RBM39: variants seen among roughly 807,000 people sequenced by gnomAD.
RBM39 encodes the protein RNA-binding protein 39.
In RBM39, 12 loss-of-function variants were observed where a neutral mutation model predicts 79.6. The ratio of observed to expected loss-of-function variants is 0.15; its 90% CI spans 0.10 to 0.24. The LOEUF (loss-of-function observed/expected upper bound fraction) is 0.24, where lower values mean the gene tolerates loss of function less well. Among genes scored for constraint, RBM39 ranks in the 10% least tolerant of loss-of-function variants. The pLI is 1.00. For synonymous variants in RBM39, 185 were observed against 208.4 expected (o/e 0.89, Z 0.97); for missense variants, 243 against 653.4 (o/e 0.37, Z 6.85).
At chr20:35,728,456 T>C (rs2039003894) in intron 6 of RBM39, among the ~76,000 whole-genome samples, 1 of 152,222 alleles carries the variant, frequency 6.6e-6, no homozygotes, top group Non-Finnish European at 1.5e-5. Flanking sequence ...AAGTTTATTT[T>C]AATTAAAATA....
Position 35,742,185 on chromosome 20 carries a change from AC to A in RBM39, c.-259del, listed in dbSNP as rs1442318641. ...CGGCGGCTTCGGCAGCTCAGGATCC[AC>A]CCCTGCGACAGCGTCGACAAGCTCC... On this transcript the variant is annotated 5_prime_UTR_variant, in exon 1 of 17. It introduces an in-frame stop codon into an upstream open reading frame of the 5' UTR. Transcript: ENST00000253363. 3.2e-5 allele frequency: 5 copies of A among 157,670 alleles called. No homozygotes were observed. Among genetic ancestry groups the A allele is most frequent in the Non-Finnish European group, 7.1e-5 (5 of 70,836 alleles). The allele number at this position is 157,670 out of a possible 1,614,324, so 9.8% of individuals were successfully genotyped here.
At chr20:35,710,053 TAC>T (rs1420135747) in intron 12 of RBM39, among the ~76,000 whole-genome samples, 1 of 152,214 alleles carries the variant, frequency 6.6e-6, no homozygotes, top group East Asian at 1.9e-4. Flanking sequence ...TGAAAGCTGC[TAC>T]AGAGTGAAAC....
At chr20:35,707,056 A>C in intron 14 of RBM39, 64 bp downstream of exon 14, 1 of 760,098 alleles carries the variant, frequency 1.3e-6, no homozygotes, top group Non-Finnish European at 2.0e-6. Context: ...AAAAAAGAGA[A>C]ATATATAAAA....
In RBM39 at chr20:35,714,506, G is replaced by A. The variant is rs544934890; in HGVS notation, c.892-117C>T. 3.0e-6 allele frequency: 4 copies of A among 1,342,472 alleles called. No individual in the cohort carries two copies. In the South Asian group the frequency reaches 7.4e-5, roughly 25 times the overall value. 83.2% of individuals were successfully genotyped at this position (1,342,472 alleles called of 1,614,324 possible). On this transcript the variant is annotated intron_variant, in intron 10 of 16. Coordinates refer to ENST00000253363, the MANE Select transcript of RBM39 (RefSeq NM_184234.3). ...TCAATAATTACTTCTGAATACTAAGGTAGAAACTGCAAGCTGTAAGTAGCA... is the reference window on the plus strand; with the variant it reads ...TCAATAATTACTTCTGAATACTAAGATAGAAACTGCAAGCTGTAAGTAGCA...
intron 14 of RBM39, 114 bp downstream of exon 14, chr20:35,707,006 A>G: frequency 3.7e-6 from 2 of 537,880 alleles, no homozygotes; most frequent in Non-Finnish European, 5.8e-6. Flanking sequence ...CAGCCTAGAC[A>G]ACAAGAGCGA....
chr20:35,711,388 A>C (rs1289747352), intron 12 of RBM39, among the ~76,000 whole-genome samples: 1 of 152,210 alleles, frequency 6.6e-6, no homozygotes, highest in African/African-American at 2.4e-5. Context: ...ACAATTACTC[A>C]CTGTAAAGGA....
At chr20:35,717,523 C>T (rs6060578) in intron 9 of RBM39, among the ~76,000 whole-genome samples, 15,922 of 151,996 alleles carry the variant, frequency 0.1, 866 homozygotes, top group South Asian at 0.14. Flanking sequence ...CCAATTATAC[C>T]AGACAGAATC....
chr20:35,713,662 A>AACCAAC (rs1569002754), intron 11 of RBM39: 2 of 105,484 alleles, frequency 1.9e-5, no homozygotes, highest in Non-Finnish European at 3.6e-5. Flanking sequence ...CCAACCAACC[A>AACCAAC]ACACAAAAAA....
chr20:35,729,799 T>G (rs2039163631), intron 4 of RBM39, among the ~76,000 whole-genome samples: 1 of 151,724 alleles, frequency 6.6e-6, no homozygotes, highest in East Asian at 1.9e-4. Flanking sequence ...TTTCAGACTT[T>G]AGATATCTTT....
intron 6 of RBM39, 26 bp downstream of exon 6, chr20:35,729,286 C>A (rs1390532696): frequency 6.4e-7 from 1 of 1,558,342 alleles, no homozygotes; most frequent in Non-Finnish European, 8.6e-7. Flanking sequence ...TTTTTAAGAG[C>A]TAAAGGCTTT....
Position 35,718,862 on chromosome 20 carries a change from A to AGGTGC in RBM39, c.826-2058_826-2057insGCACC, listed in dbSNP as rs1156654361. Among the ~76,000 whole-genome samples, 3 of 151,138 alleles carry AGGTGC rather than the reference A, an allele frequency of 2.0e-5. No individual in the cohort carries two copies. In the East Asian group the frequency reaches 5.8e-4, roughly 29 times the overall value. On this transcript the variant is annotated intron_variant, in intron 9 of 16. Coordinates refer to ENST00000253363, the MANE Select transcript of RBM39 (RefSeq NM_184234.3). ...GCCAGGCATGGCGGCATGCACCTAT[A>AGGTGC]ATCCCAGCTGCTAGGGAAGCTGTAG...
intron 6 of RBM39, among the ~76,000 whole-genome samples, chr20:35,725,657 C>CA (rs2038564427): frequency 8.2e-6 from 1 of 122,216 alleles, no homozygotes. Context: ...AACCCATTTT[C>CA]TTTTTTTTTT....
At chr20:35,727,439 C>A (rs921453018) in intron 6 of RBM39, among the ~76,000 whole-genome samples, 1 of 149,778 alleles carries the variant, frequency 6.7e-6, no homozygotes, top group Non-Finnish European at 1.5e-5. Context: ...TACCACCTGA[C>A]AAAATATTCC....
At chr20:35,717,626 G>A (rs1368047529) in intron 9 of RBM39, among the ~76,000 whole-genome samples, 3 of 151,990 alleles carry the variant, frequency 2.0e-5, no homozygotes, top group Admixed American at 6.5e-5. Flanking sequence ...TTGAGTTTAC[G>A]TTCAATCAGT....
At chr20:35,707,730 T>C (rs953572795) in intron 13 of RBM39, 5 of 247,802 alleles carry the variant, frequency 2.0e-5, no homozygotes, top group Admixed American at 5.3e-5. Flanking sequence ...TTAACAATCC[T>C]ATTAAAAATA....
chr20:35,739,304 A>G (rs935432385), intron 2 of RBM39: 2 of 459,438 alleles, frequency 4.4e-6, no homozygotes, highest in African/African-American at 2.0e-5. Flanking sequence ...CCAGATTTAC[A>G]ATGTTGAAGT....
At chr20:35,736,672 G>C (rs1055831537) in intron 3 of RBM39, 10 of 448,008 alleles carry the variant, frequency 2.2e-5, no homozygotes, top group African/African-American at 1.8e-4. Flanking sequence ...GTTTGTTTGA[G>C]ACGGAGTCTC....
At chr20:35,723,663 C>T (rs536819226) in intron 8 of RBM39, among the ~76,000 whole-genome samples, 1 of 152,274 alleles carries the variant, frequency 6.6e-6, no homozygotes, top group East Asian at 1.9e-4. Context: ...GTCTCGAACT[C>T]CTGACCTCAG....
At chr20:35,705,975 G>A (rs908466702) in intron 14 of RBM39, among the ~76,000 whole-genome samples, 1 of 152,166 alleles carries the variant, frequency 6.6e-6, no homozygotes, top group Non-Finnish European at 1.5e-5. Flanking sequence ...GCTGAGGCGG[G>A]CACATCACTT....
Sources: gnomAD v4.1 joint callset for allele counts (sites outside exome capture counted in the v4.1 genomes callset) on GRCh38, gnomAD v4.1.1 for gene constraint, MANE v1.5 for transcripts, NCBI Gene and HGNC (gene_info 2026-07-23, HGNC 2026-07-21) for gene names.